Variants in MICU3 observed in about 807,000 individuals in gnomAD.
The protein encoded by MICU3 is mitochondrial calcium uptake 3, also known as calcium uptake protein 3, mitochondrial.
In MICU3, 62 loss-of-function variants were observed where a neutral mutation model predicts 66.5. That is an observed-to-expected ratio of 0.93 (90% CI 0.76 to 1.15). The LOEUF (loss-of-function observed/expected upper bound fraction) is 1.15, where lower values mean the gene tolerates loss of function less well. Among genes scored for constraint, MICU3 ranks in the 50% most tolerant of loss-of-function variants. The pLI, the probability that MICU3 is intolerant of heterozygous loss-of-function variation, is 0.00. For missense variants in MICU3, 779 were observed against 664.4 expected, an observed-to-expected ratio of 1.17 and a Z score of -1.90; for synonymous variants, 308 against 240.7, an observed-to-expected ratio of 1.28 and a Z score of -2.59.
Position 17,087,024 on chromosome 8 carries a change from C to G in MICU3, c.838C>G (p.Arg280Gly). 6.2e-7 allele frequency: 1 copy of G among 1,603,760 alleles called. No individual in the cohort carries two copies. Among genetic ancestry groups the G allele is most frequent in the East Asian group, 2.2e-5 (1 of 44,580 alleles). The stretch of plus-strand genomic sequence containing the variant: ...AGAAATTAAAGGAGATGAAGAAAAG[C>G]GTGCAATGCTGGTAAGAATACTTTA... ...KREIKGDEEK[R>G]AMLRLQLYGY... The change falls in exon 7 of 15, where the codon CGT becomes GGT. Residue 280 changes from arginine to glycine, a missense_variant. Transcript: ENST00000318063.
chr8:17,067,586 T>G (rs916712589), intron 2 of MICU3, among the ~76,000 whole-genome samples: 1 of 152,084 alleles, frequency 6.6e-6, no homozygotes, highest in Non-Finnish European at 1.5e-5. Flanking sequence ...GCTGCTGTCA[T>G]GCCCAGCTAA....
intron 13 of MICU3, 92 bp downstream of exon 13, chr8:17,116,692 C>T: frequency 1.0e-6 from 1 of 978,536 alleles, no homozygotes; most frequent in Non-Finnish European, 1.5e-6. Context: ...ATCTTAATTT[C>T]TTAAGGATAT....
At chr8:17,097,346 G>C (rs1180957485) in intron 8 of MICU3, among the ~76,000 whole-genome samples, 2 of 151,682 alleles carry the variant, frequency 1.3e-5, no homozygotes, top group Non-Finnish European at 2.9e-5. Context: ...TAAAGGGAGT[G>C]ATGCAGATTC....
chr8:17,100,451 G>A (rs1248605058), intron 9 of MICU3, among the ~76,000 whole-genome samples: 15 of 151,668 alleles, frequency 9.9e-5, no homozygotes, highest in Admixed American at 9.9e-4. Flanking sequence ...AATAATAATT[G>A]AGAATTAACT....
intron 1 of MICU3, among the ~76,000 whole-genome samples, chr8:17,044,087 G>A (rs775205216): frequency 6.6e-6 from 1 of 152,162 alleles, no homozygotes; most frequent in Non-Finnish European, 1.5e-5. Context: ...AATGATAGGA[G>A]AGCAACAATT....
At chr8:17,135,535 G>A in the MICU3 span, among the ~76,000 whole-genome samples, 7 of 152,030 alleles carry the variant, frequency 4.6e-5, no homozygotes, top group Admixed American at 4.6e-4. Flanking sequence ...GATTCTCTTA[G>A]GTTTTCTGGT....
chr8:17,059,666 A>G (rs975053458), intron 1 of MICU3, among the ~76,000 whole-genome samples: 9 of 152,208 alleles, frequency 5.9e-5, no homozygotes, highest in Non-Finnish European at 1.2e-4. Context: ...CAAATACACT[A>G]AAGTTAATAG....
At position 17,122,397 on chromosome 8, in the gene MICU3, T is replaced by C. The variant is rs1013520916; in HGVS notation, c.*2110T>C. 5 of 151,916 alleles carry C rather than the reference T, an allele frequency of 3.3e-5. No homozygotes were observed. The highest frequency in any genetic ancestry group is 7.4e-5 in the Non-Finnish European group (5 of 67,770). The allele number at this position is 151,916 out of a possible 1,614,324, so 9.4% of individuals were successfully genotyped here. ...AATGTACTGACTACATGTATGCTGT[T>C]ATTGTCAGTGTTTCCTTCTATAAAC... is the stretch of plus-strand genomic sequence containing the variant. On this transcript the variant is annotated 3_prime_UTR_variant, in exon 15 of 15. Transcript: ENST00000318063.
intron 5 of MICU3, 129 bp downstream of exon 5, chr8:17,081,869 T>A (rs1447637950): frequency 3.5e-6 from 2 of 571,948 alleles, no homozygotes; most frequent in Non-Finnish European, 6.5e-6. Context: ...TCATGTTTAA[T>A]GCTACAGAAA....
chr8:17,080,607 T>C (rs758078090), intron 4 of MICU3, among the ~76,000 whole-genome samples: 11 of 152,150 alleles, frequency 7.2e-5, no homozygotes, highest in Non-Finnish European at 1.2e-4. Flanking sequence ...TTTATATACA[T>C]TGACCATTCC....
intron 11 of MICU3, among the ~76,000 whole-genome samples, chr8:17,109,588 A>G: frequency 6.6e-6 from 1 of 152,198 alleles, no homozygotes; most frequent in Non-Finnish European, 1.5e-5. Context: ...TTTGTAGACT[A>G]TAAAAAGCTT....
intron 1 of MICU3, among the ~76,000 whole-genome samples, chr8:17,054,134 G>C (rs1050301382): frequency 6.6e-6 from 1 of 152,170 alleles, no homozygotes; most frequent in African/African-American, 2.4e-5. Context: ...ACCTTACCTT[G>C]AACTTCACAA....
chr8:17,071,578 A>G (rs1819593289), intron 3 of MICU3, among the ~76,000 whole-genome samples: 1 of 152,160 alleles, frequency 6.6e-6, no homozygotes, highest in South Asian at 2.1e-4. Context: ...AGAGGGGCAC[A>G]ATTGAGACCA....
At chr8:17,124,871 C>A (rs1202634524), downstream of MICU3, among the ~76,000 whole-genome samples, 2 of 151,970 alleles carry the variant, frequency 1.3e-5, no homozygotes, top group Non-Finnish European at 2.9e-5. Flanking sequence ...GATCCATTAC[C>A]TTTTTCTCTT....
intron 3 of MICU3, among the ~76,000 whole-genome samples, chr8:17,074,064 T>A (rs1056682267): frequency 4.6e-5 from 7 of 151,390 alleles, no homozygotes; most frequent in African/African-American, 7.3e-5. Context: ...GGTTTTTTTT[T>A]TTATTTTTTA....
chr8:17,128,531 T>A, the MICU3 span, among the ~76,000 whole-genome samples: 2 of 152,228 alleles, frequency 1.3e-5, no homozygotes, highest in African/African-American at 4.8e-5. Context: ...GATACACTTA[T>A]GAGATAGAAT....
chr8:17,117,496 C>G (rs1176403092), intron 13 of MICU3, among the ~76,000 whole-genome samples: 2 of 151,708 alleles, frequency 1.3e-5, no homozygotes, highest in Non-Finnish European at 2.9e-5. Context: ...GTGTACATAT[C>G]TAACATATTA....
rs1260776141 is a variant in MICU3 at position 17,066,541 on chromosome 8, AGAT to A, written c.535+2305_535+2307del. ...TCTATATATATATATATATATATAT[AGAT>A]TTTTTTTTTTTTTTTTGAGGCAGGG... is the stretch of plus-strand genomic sequence containing the variant. On this transcript the variant is annotated intron_variant, in intron 2 of 14. Transcript: ENST00000318063. Among the ~76,000 whole-genome samples the A allele has an allele frequency of 1.1e-3, 120 of 107,186 alleles. 2 individuals carry two copies. Among genetic ancestry groups the A allele is most frequent in the African/African-American group, 4.9e-3 (113 of 23,266 alleles). The allele number at this position is 107,186 out of a possible 152,430, so 70.3% of individuals were successfully genotyped here.
intron 4 of MICU3, among the ~76,000 whole-genome samples, chr8:17,081,234 A>C (rs1288739755): frequency 1.3e-5 from 2 of 152,126 alleles, no homozygotes; most frequent in African/African-American, 2.4e-5. Context: ...GCGAAACATC[A>C]CATTTCTAAG....
Sources: allele counts gnomAD v4.1 joint callset (sites outside exome capture counted in the v4.1 genomes callset), GRCh38; gene constraint gnomAD v4.1.1; transcripts MANE v1.5; gene names NCBI Gene and HGNC (gene_info 2026-07-23, HGNC 2026-07-21).